Variants in CHD5 observed in about 807,000 individuals in gnomAD.
CHD5 encodes the protein ATP-dependent chromatin remodeler CHD5.
CHD5 carries 69 observed loss-of-function variants against 230.3 expected under a neutral mutation model. The ratio of observed to expected loss-of-function variants is 0.30; its 90% CI spans 0.25 to 0.37. CHD5 has a LOEUF of 0.37. Ranked by LOEUF, CHD5 falls within the 10% of genes least tolerant of loss-of-function variation. The probability of loss-of-function intolerance (pLI) is 1.00; values close to 1 mark genes in which losing one functional copy is unlikely to be tolerated. For synonymous variants in CHD5, 1,064 were observed against 1,065.9 expected, an observed-to-expected ratio of 1.00 and a Z score of 0.03; for missense variants, 1,827 against 2,622.8, an observed-to-expected ratio of 0.70 and a Z score of 6.63.
Position 6,131,329 on chromosome 1 carries a change from C to T in CHD5, c.3262+302G>A, listed in dbSNP as rs77294792. Among the ~76,000 whole-genome samples, 715 of 152,316 alleles carry T rather than the reference C, an allele frequency of 4.7e-3. 8 individuals are homozygous for T. The highest frequency in any genetic ancestry group is 0.016 in the African/African-American group (662 of 41,568). The stretch of plus-strand genomic sequence containing the variant: ...GTACCTTCTGCCACCATTCACCATA[C>T]GGCAGGCTCTGTCCAACACCACTTG... On this transcript the variant is annotated intron_variant, in intron 21 of 41. Coordinates refer to ENST00000262450, the MANE Select transcript of CHD5 (RefSeq NM_015557.3). This position sits in a 1 kb window ranked among gnomAD's most constrained non-coding sequence, Gnocchi z 5.0.
intron 7 of CHD5, 110 bp from the exon 8 acceptor site, chr1:6,149,522 G>T: frequency 9.1e-7 from 1 of 1,094,606 alleles, no homozygotes; most frequent in Non-Finnish European, 1.3e-6. Context: ...AATAGAGGGT[G>T]GATGGAAAGG....
chr1:6,149,018 C>A lies in CHD5; in HGVS notation c.1219G>T (p.Gly407Cys). The A allele has an allele frequency of 6.2e-7, 1 of 1,602,724 alleles. No homozygotes were observed. Among genetic ancestry groups the A allele is most frequent in the Non-Finnish European group, 8.5e-7 (1 of 1,175,060 alleles). The change falls in exon 9 of 42, where the codon GGC becomes TGC. Residue 407 changes from glycine (G) to cysteine (C), a missense_variant. Gly to Cys is a radical substitution (Grantham distance 159). Around this residue, in one of 14 missense-constraint regions of CHD5, gnomAD observed 657 missense variants for 816.4 expected, o/e 0.80. Transcript: ENST00000262450. Reference protein sequence around the residue: ...KDDDDEEEEGGCEEEEDDHME... With the variant: ...KDDDDEEEEGCCEEEEDDHME... ...TGGTCGTCCTCCTCCTCCTCGCAGC[C>A]GCCCTCCTCCTCTTCATCGTCGTCG...
intron 1 of CHD5, among the ~76,000 whole-genome samples, chr1:6,173,313 C>A (rs1311274198): frequency 6.6e-6 from 1 of 151,926 alleles, no homozygotes; most frequent in Non-Finnish European, 1.5e-5. Context: ...ACCATGTTAG[C>A]CAGGATGGTC....
chr1:6,134,748 G>A lies in CHD5; in HGVS notation c.2982C>T (p.Asn994=). Residue 994 remains asparagine, a synonymous_variant, in exon 19 of 42, where the codon AAC becomes AAT. Coordinates refer to ENST00000262450, the MANE Select transcript of CHD5 (RefSeq NM_015557.3). The surrounding 1 kb of genome is among the most constrained non-coding windows in gnomAD (Gnocchi z 6.3). ...NIMMDLKKCC[N]HPYLFPVAAV... is the part of the protein sequence containing the mutation. The stretch of plus-strand genomic sequence containing the variant: ...CAGCCACAGGGAAGAGGTAGGGGTG[G>A]TTGCAGCACTTTTTCAGGTCCATCA... 1 of 1,614,184 alleles carries A rather than the reference G, an allele frequency of 6.2e-7. No homozygotes were observed. Among genetic ancestry groups the A allele is most frequent in the Non-Finnish European group, 8.5e-7 (1 of 1,180,010 alleles).
chr1:6,124,455 G>A, intron 30 of CHD5, 62 bp downstream of exon 30: 7 of 1,583,650 alleles, frequency 4.4e-6, no homozygotes, highest in Non-Finnish European at 6.1e-6. Flanking sequence ...TGACCCACAA[G>A]GGACAGCACC....
Position 6,146,628 on chromosome 1 carries a change from C to T in CHD5, c.1590+37G>A. The T allele has an allele frequency of 6.2e-7, 1 of 1,604,750 alleles. No homozygotes were observed. The highest frequency in any genetic ancestry group is 8.5e-7 in the Non-Finnish European group (1 of 1,172,032). Reference sequence around the variant, plus strand: ...CAGGAGGGTCCAGGGCTCACCAGGTCCCGGGCCTTAGCACAGCCACCCTCC... The same window carrying T: ...CAGGAGGGTCCAGGGCTCACCAGGTTCCGGGCCTTAGCACAGCCACCCTCC... On this transcript the variant is annotated intron_variant, in intron 10 of 41. Transcript: ENST00000262450. This position sits in a 1 kb window ranked among gnomAD's most constrained non-coding sequence, Gnocchi z 5.1.
chr1:6,169,526 G>A (rs1040028106), intron 1 of CHD5, among the ~76,000 whole-genome samples: 1 of 152,208 alleles, frequency 6.6e-6, no homozygotes, highest in Non-Finnish European at 1.5e-5. Flanking sequence ...CTGCTGGGAC[G>A]GCAGTAGCCT....
Position 6,155,537 on chromosome 1 carries a change from T to A in CHD5, c.506+62A>T. ...CCGGGGCTTCACTCCTCTGCCTCCC[T>A]CCCGACTTGGTACCACCAGAGGATG... On this transcript the variant is annotated intron_variant, in intron 4 of 41. Coordinates refer to ENST00000262450, the MANE Select transcript of CHD5 (RefSeq NM_015557.3). The surrounding 1 kb of genome is among the most constrained non-coding windows in gnomAD (Gnocchi z 4.0). The A allele has an allele frequency of 2.8e-6, 4 of 1,442,510 alleles. No individual in the cohort carries two copies. Among genetic ancestry groups the A allele is most frequent in the Non-Finnish European group, 3.9e-6 (4 of 1,025,684 alleles). The allele number at this position is 1,442,510 out of a possible 1,614,324, so 89.4% of individuals were successfully genotyped here.
At position 6,142,265 on chromosome 1, in the gene CHD5, C is replaced by T; in HGVS notation, c.2299G>A (p.Glu767Lys). 6.2e-7 allele frequency: 1 copy of T among 1,613,926 alleles called. No homozygotes were observed. The highest frequency in any genetic ancestry group is 8.5e-7 in the Non-Finnish European group (1 of 1,179,772). ...PLSTIINWER[E>K]FEMWAPDFYV... is the part of the protein sequence containing the mutation. ...AAGTCGGGCGCCCACATCTCAAACT[C>T]GCGTTCCCAGTTGATGATGGTGGAG... is the stretch of plus-strand genomic sequence containing the variant. Residue 767 changes from glutamate to lysine, a missense_variant, in exon 15 of 42, where the codon GAG becomes AAG. Glu to Lys is a moderately conservative substitution (Grantham distance 56). This residue lies in a region of CHD5 where 37 missense variants were observed against 105.7 expected (regional missense o/e 0.35). Transcript: ENST00000262450. The surrounding 1 kb of genome is among the most constrained non-coding windows in gnomAD (Gnocchi z 5.2).
chr1:6,137,923 C>T (rs1006040768), intron 15 of CHD5, among the ~76,000 whole-genome samples: 1 of 151,928 alleles, frequency 6.6e-6, no homozygotes, highest in Non-Finnish European at 1.5e-5. Flanking sequence ...GACCACTGTC[C>T]CCCTACTCCC....
rs1257952242 is a variant in CHD5, at chr1:6,180,194, C to A, written c.-171G>T. 5.9e-6 allele frequency: 1 copy of A among 170,774 alleles called. No individual in the cohort carries two copies. Among genetic ancestry groups the A allele is most frequent in the Non-Finnish European group, 1.2e-5 (1 of 86,170 alleles). The allele number at this position is 170,774 out of a possible 1,614,324, so 10.6% of individuals were successfully genotyped here. A position where few individuals can be genotyped will look rare whatever the true frequency, so the allele number is the denominator to read the frequency against. ...CCAAACCTCCACCCCCCCGTCTCGA[C>A]CCCCCTTTCTCTCGGCCGCCTTAGC... On this transcript the variant is annotated 5_prime_UTR_variant, in exon 1 of 42. Coordinates refer to ENST00000262450, the MANE Select transcript of CHD5 (RefSeq NM_015557.3).
At chr1:6,120,944 G>A (rs1338690512) in intron 33 of CHD5, among the ~76,000 whole-genome samples, 161 bp downstream of exon 33, 1 of 151,890 alleles carries the variant, frequency 6.6e-6, no homozygotes, top group East Asian at 1.9e-4. Context: ...ATAGAGGCCT[G>A]AGCTCCTGGC....
chr1:6,133,082 T>C (rs1666683977), intron 20 of CHD5, among the ~76,000 whole-genome samples: 1 of 152,232 alleles, frequency 6.6e-6, no homozygotes, highest in Admixed American at 6.5e-5. Flanking sequence ...TTGGATTCTA[T>C]TTATTGTTTT....
Position 6,125,074 on chromosome 1 carries a change from C to T in CHD5, c.4394+26G>A. 1 of 1,544,044 alleles carries T rather than the reference C, an allele frequency of 6.5e-7. No individual in the cohort carries two copies. Among genetic ancestry groups the T allele is most frequent in the Non-Finnish European group, 8.8e-7 (1 of 1,141,584 alleles). On this transcript the variant is annotated intron_variant, in intron 29 of 41. Transcript: ENST00000262450. This position sits in a 1 kb window ranked among gnomAD's most constrained non-coding sequence, Gnocchi z 6.7. ...CCTACTCAGGGGCAGGTGGTCACAC[C>T]CTGGGCCACCACCTAGCCCCTTTAC...
In CHD5 at chr1:6,125,890, G is replaced by T; in HGVS notation, c.4079-32C>A. On this transcript the variant is annotated intron_variant, in intron 26 of 41. Transcript: ENST00000262450. The surrounding 1 kb of genome is among the most constrained non-coding windows in gnomAD (Gnocchi z 6.7). ...GGGGCCAGACAGAGGGGCACGGAGT[G>T]AGCTGTACAAGCAAAGCCCACCCTC... The T allele has an allele frequency of 6.4e-7, 1 of 1,550,798 alleles. No individual in the cohort carries two copies. Among genetic ancestry groups the T allele is most frequent in the Non-Finnish European group, 8.9e-7 (1 of 1,128,058 alleles).
At chr1:6,157,799 A>G (rs9434741) in intron 3 of CHD5, among the ~76,000 whole-genome samples, 38,670 of 152,066 alleles carry the variant, frequency 0.25, 6,374 homozygotes, top group African/African-American at 0.46. Flanking sequence ...ATACTGTTAC[A>G]GGGTGATCCT....
At chr1:6,173,545 C>T (rs562418026) in intron 1 of CHD5, among the ~76,000 whole-genome samples, 1 of 152,256 alleles carries the variant, frequency 6.6e-6, no homozygotes, top group Non-Finnish European at 1.5e-5. Context: ...ACCAGCAAGT[C>T]CCCTCCCCAC....
At chr1:6,152,967 G>A (rs995275563) in intron 5 of CHD5, among the ~76,000 whole-genome samples, 1 of 152,242 alleles carries the variant, frequency 6.6e-6, no homozygotes, top group African/African-American at 2.4e-5. Context: ...CTGCCAGCCA[G>A]GCAATGCTGG....
chr1:6,113,618 G>A (rs1571139999), intron 33 of CHD5, among the ~76,000 whole-genome samples: 1 of 152,212 alleles, frequency 6.6e-6, no homozygotes, highest in East Asian at 1.9e-4. Flanking sequence ...GGCAGGACAG[G>A]GGAGGCCTCA....
Sources: gnomAD v4.1 joint callset for allele counts (sites outside exome capture counted in the v4.1 genomes callset) on GRCh38, gnomAD v4.1.1 for gene constraint, gnomAD v4.1.1 regional missense constraint, Gnocchi (gnomAD v3.1) non-coding constraint, MANE v1.5 for transcripts, NCBI Gene and HGNC (gene_info 2026-07-23, HGNC 2026-07-21) for gene names.